The following WDR77 variants were observed in gnomAD, a reference collection of about 807,000 sequenced individuals.
WDR77 encodes the protein WD repeat domain 77.
Under a neutral mutation model 44.0 loss-of-function variants are expected in WDR77, and 31 were observed. The ratio of observed to expected loss-of-function variants is 0.70; its 90% CI spans 0.53 to 0.95. The LOEUF is 0.95. WDR77 is among the 40% of genes least tolerant of loss of function. The probability of loss-of-function intolerance (pLI) is 0.00; values close to 1 mark genes in which losing one functional copy is unlikely to be tolerated. For synonymous variants in WDR77, 186 were observed against 165.7 expected, an observed-to-expected ratio of 1.12 and a Z score of -0.94; for missense variants, 390 against 423.9, an observed-to-expected ratio of 0.92 and a Z score of 0.70.
chr1:111,447,724 G>A, intron 2 of WDR77, 148 bp from the exon 3 acceptor site: 1 of 926,854 alleles, frequency 1.1e-6, no homozygotes, highest in Non-Finnish European at 1.6e-6. Flanking sequence ...GGAGAGTTCA[G>A]CTAATTTCTG....
rs779945427 is a variant in WDR77 at position 111,442,506 on chromosome 1, TAA to T, written c.800+145_800+146del. On this transcript the variant is annotated intron_variant, in intron 8 of 9. Coordinates refer to ENST00000235090, the MANE Select transcript of WDR77 (RefSeq NM_024102.4). ...CTCCCAAAGGATTCTACTTCACACT[TAA>T]GAGATCTTCGATGTTCCGAAACCTC... 4.7e-4 allele frequency: 252 copies of T among 540,986 alleles called. 2 individuals carry two copies. The highest frequency in any genetic ancestry group is 7.2e-4 in the Non-Finnish European group (227 of 316,504). 33.5% of individuals were successfully genotyped at this position (540,986 alleles called of 1,614,324 possible). A position where few individuals can be genotyped will look rare whatever the true frequency, so the allele number is the denominator to read the frequency against.
chr1:111,443,419 G>A, intron 6 of WDR77, 25 bp from the exon 7 acceptor site: 2 of 1,548,772 alleles, frequency 1.3e-6, no homozygotes, highest in South Asian at 1.2e-5. Context: ...CGAGGGTCTG[G>A]ACCAAAACTC....
Position 111,448,606 on chromosome 1 carries a change from GAT to G in WDR77, c.301+11_301+12del. The G allele has an allele frequency of 6.2e-7, 1 of 1,614,088 alleles. No homozygotes were observed. Among genetic ancestry groups the G allele is most frequent in the Non-Finnish European group, 8.5e-7 (1 of 1,179,996 alleles). ...ACCCGGGGGTGGGGGTGGATAATGG[GAT>G]AGTGACTCACCTGAATCGGAGGCCA... is the stretch of plus-strand genomic sequence containing the variant. On this transcript the variant is annotated intron_variant, in intron 2 of 9. Transcript: ENST00000235090.
chr1:111,445,246 T>C (rs1308807186), intron 4 of WDR77, among the ~76,000 whole-genome samples: 1 of 152,166 alleles, frequency 6.6e-6, no homozygotes. Flanking sequence ...TCTACAGTCA[T>C]TTTACCAGAC....
At chr1:111,445,084 T>A (rs1299434727) in intron 4 of WDR77, among the ~76,000 whole-genome samples, 1 of 152,222 alleles carries the variant, frequency 6.6e-6, no homozygotes. Context: ...TGCCAGAAAT[T>A]ACCTTCTCTG....
At chr1:111,445,275 T>A (rs564964984) in intron 4 of WDR77, among the ~76,000 whole-genome samples, 104 of 152,366 alleles carry the variant, frequency 6.8e-4, no homozygotes, top group African/African-American at 2.4e-3. Context: ...GTAGTCTGAA[T>A]GTGGCCCTTC....
chr1:111,447,278 G>T, intron 3 of WDR77, 134 bp from the exon 4 acceptor site: 1 of 1,458,476 alleles, frequency 6.9e-7, no homozygotes, highest in East Asian at 2.3e-5. Flanking sequence ...GTCTACTTAC[G>T]ATGGACTGCA....
Position 111,440,957 on chromosome 1 carries a change from T to G in WDR77, c.*273A>C. ...GGCAGTGCTTAGGGAAGATGTAGGA[T>G]GGATTTTTTTTATTCCTGCCACTAC... On this transcript the variant is annotated 3_prime_UTR_variant, in exon 10 of 10. Transcript: ENST00000235090. 1 of 239,274 alleles carries G rather than the reference T, an allele frequency of 4.2e-6. No homozygotes were observed. The highest frequency in any genetic ancestry group is 7.9e-6 in the Non-Finnish European group (1 of 126,152). The allele number at this position is 239,274 out of a possible 1,614,324, so 14.8% of individuals were successfully genotyped here.
At position 111,444,057 on chromosome 1, in the gene WDR77, G is replaced by C. The variant is rs149684325; in HGVS notation, c.561C>G (p.Ser187Arg). 3.1e-6 allele frequency: 5 copies of C among 1,614,104 alleles called. No homozygotes were observed. The highest frequency in any genetic ancestry group is 3.4e-6 in the Non-Finnish European group (4 of 1,180,006). Residue 187 changes from serine (S) to arginine (R), a missense_variant, in exon 5 of 10, where the codon AGC becomes AGG. By Grantham distance (110) the Ser-to-Arg change is moderately radical. Transcript: ENST00000235090. ...PHKDSVFLSC[S>R]EDNRILLWDT... is the part of the protein sequence containing the mutation. Reference sequence around the variant, plus strand: ...GGAAGAAGGAGCTATCTCTTACCTCGCTGCATGAAAGAAACACAGAGTCCT... The same window carrying C: ...GGAAGAAGGAGCTATCTCTTACCTCCCTGCATGAAAGAAACACAGAGTCCT...
intron 6 of WDR77, 160 bp downstream of exon 6, chr1:111,443,707 T>A: frequency 1.0e-6 from 1 of 985,224 alleles, no homozygotes; most frequent in Non-Finnish European, 1.2e-6. Context: ...TTGCACAGAA[T>A]GGGGTTAGCA....
intron 4 of WDR77, chr1:111,446,800 C>G: frequency 3.5e-6 from 1 of 282,854 alleles, no homozygotes; most frequent in East Asian, 6.7e-5. Flanking sequence ...GGGAAACTGG[C>G]TGGTCTGAAG....
At chr1:111,444,440 C>T (rs886160135) in intron 4 of WDR77, among the ~76,000 whole-genome samples, 3 of 152,034 alleles carry the variant, frequency 2.0e-5, no homozygotes, top group African/African-American at 7.2e-5. Flanking sequence ...TCTAGAATAG[C>T]AGTCTTCATA....
Position 111,441,655 on chromosome 1 carries a change from G to T in WDR77, c.870-266C>A. 3.4e-6 allele frequency: 4 copies of T among 1,181,662 alleles called. No individual in the cohort carries two copies. The South Asian group carries it at 1.1e-4, about 33-fold the overall frequency. The allele number at this position is 1,181,662 out of a possible 1,614,324, so 73.2% of individuals were successfully genotyped here. On this transcript the variant is annotated intron_variant, in intron 9 of 9. Transcript: ENST00000235090. ...GGGCAGTAACAGGCAGCAAATCACG[G>T]CAAGGAGGGAAGTACAATTCAGGTC...
intron 8 of WDR77, 59 bp downstream of exon 8, chr1:111,442,594 C>T (rs1652859390): frequency 1.6e-6 from 2 of 1,218,260 alleles, no homozygotes; most frequent in Non-Finnish European, 2.2e-6. Flanking sequence ...AAAACATACA[C>T]ACACACCCTC....
chr1:111,447,686 T>A, intron 2 of WDR77, 110 bp from the exon 3 acceptor site: 2 of 1,357,388 alleles, frequency 1.5e-6, no homozygotes, highest in Non-Finnish European at 1.0e-6. Context: ...AAGTTAGTTA[T>A]TCCTGTAAAA....
Position 111,441,265 on chromosome 1 carries a change from G to A in WDR77, c.994C>T (p.Leu332Phe), listed in dbSNP as rs146016415. 1.3e-5 allele frequency: 21 copies of A among 1,578,422 alleles called. No homozygotes were observed. The African/African-American group carries it at 2.7e-4, about 20-fold the overall frequency. Residue 332 changes from leucine (L) to phenylalanine (F), a missense_variant, in exon 10 of 10, where the codon CTC becomes TTC. Coordinates refer to ENST00000235090, the MANE Select transcript of WDR77 (RefSeq NM_024102.4). ...VVHHVVPTEP[L>F]PAPGPASVTE ...ACACTTGCAGGTCCAGGGGCTGGGA[G>A]AGGTTCTGTGGGCACAACGTGGTGG...
At chr1:111,448,478 T>C in intron 2 of WDR77, 141 bp downstream of exon 2, 1 of 916,964 alleles carries the variant, frequency 1.1e-6, no homozygotes, top group Non-Finnish European at 1.7e-6. Flanking sequence ...CACAAGAGTT[T>C]GCATTCGGGG....
intron 1 of WDR77, 97 bp downstream of exon 1, chr1:111,448,958 A>C: frequency 6.5e-7 from 1 of 1,538,752 alleles, no homozygotes; most frequent in Non-Finnish European, 8.7e-7. Flanking sequence ...GGGTCAGGAT[A>C]ACATGCAGGG....
intron 7 of WDR77, 151 bp downstream of exon 7, chr1:111,443,172 A>AC (rs747594788): frequency 6.3e-4 from 436 of 688,364 alleles, no homozygotes; most frequent in Admixed American, 1.1e-3. Context: ...CGTTGGCATC[A>AC]CCCCACCTCC....
Sources: allele counts gnomAD v4.1 joint callset (sites outside exome capture counted in the v4.1 genomes callset), GRCh38; gene constraint gnomAD v4.1.1; transcripts MANE v1.5; gene names NCBI Gene and HGNC (gene_info 2026-07-23, HGNC 2026-07-21).